The following SS18L1 variants were observed in gnomAD, a reference collection of about 807,000 sequenced individuals.
SS18L1 encodes SS18L1 subunit of BAF chromatin remodeling complex, also known as calcium-responsive transactivator.
SS18L1 carries 32 observed loss-of-function variants against 70.3 expected under a neutral mutation model. The observed-to-expected ratio is 0.46, with a 90% CI of 0.34 to 0.61. SS18L1 has a LOEUF of 0.61. Ranked by LOEUF, SS18L1 falls within the 20% of genes least tolerant of loss-of-function variation. The probability of loss-of-function intolerance (pLI) is 0.01; values close to 1 mark genes in which losing one functional copy is unlikely to be tolerated. For missense variants in SS18L1, 430 were observed against 542.1 expected (o/e 0.79, Z 2.05); for synonymous variants, 237 against 229.7 (o/e 1.03, Z -0.29).
rs1357249113 is a variant in SS18L1 at position 62,158,476 on chromosome 20, C to T, written c.70-196C>T. Reference sequence around the variant, plus strand: ...ATGCTCATTGGAGCATTTTGGATTTCGGGTTTTCGGATTAGGGATGCCAAA... The same window carrying T: ...ATGCTCATTGGAGCATTTTGGATTTTGGGTTTTCGGATTAGGGATGCCAAA... On this transcript the variant is annotated intron_variant, in intron 1 of 10. Transcript: ENST00000331758. This position sits in a 1 kb window ranked among gnomAD's most constrained non-coding sequence, Gnocchi z 4.5. Among the ~76,000 whole-genome samples, 1 of 151,998 alleles carries T rather than the reference C, an allele frequency of 6.6e-6. No individual in the cohort carries two copies. Among genetic ancestry groups the T allele is most frequent in the East Asian group, 1.9e-4 (1 of 5,196 alleles).
chr20:62,167,061 T>TA (rs1278553641), intron 8 of SS18L1, among the ~76,000 whole-genome samples: 1 of 141,572 alleles, frequency 7.1e-6, no homozygotes. Flanking sequence ...TTTTTTTTTT[T>TA]TTGAGACGGA....
rs2057334041 is a variant in SS18L1, at chr20:62,161,725, G to A, written c.376+145G>A. Reference sequence around the variant, plus strand: ...CTCCTGGGGTAGCCACAGGTCGGCTGCCATCGCCCAGGCTCAGGGCCGCAG... The same window carrying A: ...CTCCTGGGGTAGCCACAGGTCGGCTACCATCGCCCAGGCTCAGGGCCGCAG... On this transcript the variant is annotated intron_variant, in intron 4 of 10. Coordinates refer to ENST00000331758, the MANE Select transcript of SS18L1 (RefSeq NM_198935.3). The surrounding 1 kb of genome is among the most constrained non-coding windows in gnomAD (Gnocchi z 4.4). The A allele has an allele frequency of 2.3e-6, 3 of 1,278,922 alleles. No homozygotes were observed. The highest frequency in any genetic ancestry group is 1.5e-5 in the African/African-American group (1 of 66,546). 79.2% of individuals were successfully genotyped at this position (1,278,922 alleles called of 1,614,324 possible).
intron 1 of SS18L1, chr20:62,154,563 CTTGGT>C: frequency 9.9e-7 from 1 of 1,010,984 alleles, no homozygotes; most frequent in Non-Finnish European, 1.2e-6. Flanking sequence ...GGGGGTGTCC[CTTGGT>C]ATGGGACACA....
intron 1 of SS18L1, among the ~76,000 whole-genome samples, chr20:62,153,614 GGACC>G (rs2057172911): frequency 6.6e-6 from 1 of 152,170 alleles, no homozygotes; most frequent in East Asian, 1.9e-4. Flanking sequence ...GAACCACGCA[GGACC>G]GTGTGACTGC....
intron 8 of SS18L1, among the ~76,000 whole-genome samples, chr20:62,170,272 G>T (rs6121938): frequency 0.13 from 20,322 of 152,222 alleles, 1,645 homozygotes; most frequent in South Asian, 0.24. Flanking sequence ...TTGGGAGGCC[G>T]GGGCAGGCGG....
chr20:62,158,957 G>A lies in SS18L1; in HGVS notation c.146+209G>A, dbSNP rs773392839. 5 of 1,554,812 alleles carry A rather than the reference G, an allele frequency of 3.2e-6. No individual in the cohort carries two copies. The highest frequency in any genetic ancestry group is 2.4e-5 in the East Asian group (1 of 42,012). On this transcript the variant is annotated intron_variant, in intron 2 of 10. Coordinates refer to ENST00000331758, the MANE Select transcript of SS18L1 (RefSeq NM_198935.3). The surrounding 1 kb of genome is among the most constrained non-coding windows in gnomAD (Gnocchi z 4.5). ...CCAGCACGGAGGTCAGATATGTCCC[G>A]AGAGTCCCCCAGCACGGAGGCCAGA...
chr20:62,160,926 C>T (rs995708367), intron 3 of SS18L1, among the ~76,000 whole-genome samples: 6 of 151,912 alleles, frequency 3.9e-5, no homozygotes, highest in Non-Finnish European at 5.9e-5. Flanking sequence ...GGCCACTTCA[C>T]ACTCACTCCC....
chr20:62,179,631 G>A lies in SS18L1; in HGVS notation c.*423G>A, dbSNP rs890909954. ...CCTCCTCATGCAGTGTTGTAGTGTGGGTTGTCAACTTTTCTTTAACTGGCT... is the reference window on the plus strand; with the variant it reads ...CCTCCTCATGCAGTGTTGTAGTGTGAGTTGTCAACTTTTCTTTAACTGGCT... On this transcript the variant is annotated 3_prime_UTR_variant, in exon 11 of 11. Coordinates refer to ENST00000331758, the MANE Select transcript of SS18L1 (RefSeq NM_198935.3). The A allele has an allele frequency of 2.8e-5, 5 of 176,554 alleles. No individual in the cohort carries two copies. The highest frequency in any genetic ancestry group is 5.8e-5 in the Non-Finnish European group (5 of 85,586). 10.9% of individuals were successfully genotyped at this position (176,554 alleles called of 1,614,324 possible). A position where few individuals can be genotyped will look rare whatever the true frequency, so the allele number is the denominator to read the frequency against.
chr20:62,176,095 A>G (rs941977333), intron 10 of SS18L1, among the ~76,000 whole-genome samples: 2 of 152,268 alleles, frequency 1.3e-5, no homozygotes, highest in Admixed American at 1.3e-4. Context: ...TATGTGAATG[A>G]TTCTGATGAG....
chr20:62,174,839 G>C lies in SS18L1; in HGVS notation c.1164+195G>C. The stretch of plus-strand genomic sequence containing the variant: ...TGTATACGCTCACCTCAGTCATCCA[G>C]CTGGCTTTTCATACCCTAAGCTCAC... On this transcript the variant is annotated intron_variant, in intron 10 of 10. Transcript: ENST00000331758. The surrounding 1 kb of genome is among the most constrained non-coding windows in gnomAD (Gnocchi z 4.1). 1 of 1,463,488 alleles carries C rather than the reference G, an allele frequency of 6.8e-7. No homozygotes were observed. Among genetic ancestry groups the C allele is most frequent in the Non-Finnish European group, 9.1e-7 (1 of 1,104,514 alleles). The allele number at this position is 1,463,488 out of a possible 1,614,324, so 90.7% of individuals were successfully genotyped here.
At position 62,174,324 on chromosome 20, in the gene SS18L1, GCT is replaced by G. The variant is rs1476271715; in HGVS notation, c.1037-189_1037-188del. Among the ~76,000 whole-genome samples the G allele has an allele frequency of 1.4e-5, 2 of 147,920 alleles. No individual in the cohort carries two copies. The highest frequency in any genetic ancestry group is 2.9e-5 in the Non-Finnish European group (2 of 67,952). Reference sequence around the variant, plus strand: ...GGGGCTGGTGAGTCGGTTACGTGGTGCTCTCGCTGTACAGAGTTAACGTGGAG... The same window carrying G: ...GGGGCTGGTGAGTCGGTTACGTGGTGCTCGCTGTACAGAGTTAACGTGGAG... On this transcript the variant is annotated intron_variant, in intron 9 of 10. Coordinates refer to ENST00000331758, the MANE Select transcript of SS18L1 (RefSeq NM_198935.3). This position sits in a 1 kb window ranked among gnomAD's most constrained non-coding sequence, Gnocchi z 4.1.
chr20:62,146,605 ATT>A (rs10673768), intron 1 of SS18L1, among the ~76,000 whole-genome samples: 13 of 79,710 alleles, frequency 1.6e-4, no homozygotes, highest in Non-Finnish European at 1.8e-4. Flanking sequence ...TGCTTTGATC[ATT>A]TTTTTTTTTT....
intron 10 of SS18L1, chr20:62,175,055 G>C (rs55665627): frequency 4.1e-6 from 3 of 728,898 alleles, no homozygotes; most frequent in Non-Finnish European, 5.0e-6. Context: ...AGGACAGAGC[G>C]GGGGGCCCCA....
intron 1 of SS18L1, among the ~76,000 whole-genome samples, chr20:62,149,223 T>G (rs943975588): frequency 3.9e-5 from 6 of 152,226 alleles, no homozygotes; most frequent in African/African-American, 1.4e-4. Context: ...CTGGCGCTGA[T>G]GGACCGTAAG....
At chr20:62,170,936 C>CT (rs1329273802) in intron 8 of SS18L1, among the ~76,000 whole-genome samples, 3 of 151,356 alleles carry the variant, frequency 2.0e-5, no homozygotes, top group African/African-American at 7.3e-5. Flanking sequence ...GAGTCTCACT[C>CT]TATCGCCCAG....
intron 8 of SS18L1, among the ~76,000 whole-genome samples, chr20:62,168,763 A>G (rs2057478508): frequency 6.6e-6 from 1 of 152,124 alleles, no homozygotes. Context: ...GTACTTAACT[A>G]TGATCACACC....
At chr20:62,172,867 C>A in intron 9 of SS18L1, 66 bp downstream of exon 9, 5 of 1,584,400 alleles carry the variant, frequency 3.2e-6, no homozygotes, top group Non-Finnish European at 3.4e-6. Flanking sequence ...CACATGGGTA[C>A]GTGCTCAGTA....
chr20:62,153,482 T>C (rs1328456634), intron 1 of SS18L1, among the ~76,000 whole-genome samples: 3 of 151,752 alleles, frequency 2.0e-5, no homozygotes, highest in Non-Finnish European at 4.4e-5. Flanking sequence ...GGTCACCCGA[T>C]AAGGTCTGCC....
chr20:62,176,267 C>T (rs946467340), intron 10 of SS18L1, among the ~76,000 whole-genome samples: 6 of 152,234 alleles, frequency 3.9e-5, no homozygotes, highest in African/African-American at 1.2e-4. Flanking sequence ...CCTGTAATCC[C>T]AGCACTTTGG....
Sources: allele counts gnomAD v4.1 joint callset (sites outside exome capture counted in the v4.1 genomes callset), GRCh38; gene constraint gnomAD v4.1.1; non-coding constraint Gnocchi (gnomAD v3.1); transcripts MANE v1.5; gene names NCBI Gene and HGNC (gene_info 2026-07-23, HGNC 2026-07-21).